Variants in EPS15L1 observed in about 807,000 individuals in gnomAD.
The protein encoded by EPS15L1 is epidermal growth factor receptor pathway substrate 15 like 1, also known as epidermal growth factor receptor substrate 15-like 1.
A neutral mutation model predicts 117.1 loss-of-function variants in EPS15L1; 43 were observed. The observed-to-expected ratio is 0.37, with a 90% CI of 0.29 to 0.47. The LOEUF (loss-of-function observed/expected upper bound fraction) is 0.47, where lower values mean the gene tolerates loss of function less well. Ranked by LOEUF, EPS15L1 falls within the 20% of genes least tolerant of loss-of-function variation. EPS15L1 has a pLI of 0.99. For synonymous variants in EPS15L1, 459 were observed against 470.5 expected (o/e 0.98, Z 0.32); for missense variants, 981 against 1,164.0 (o/e 0.84, Z 2.29).
At chr19:16,460,750 C>T (rs1487819904) in intron 1 of EPS15L1, among the ~76,000 whole-genome samples, 2 of 152,176 alleles carry the variant, frequency 1.3e-5, no homozygotes, top group Non-Finnish European at 2.9e-5. Flanking sequence ...AAGGGAAGAA[C>T]GTTTGCAAGA....
At chr19:16,429,694 G>A (rs561762997) in intron 7 of EPS15L1, among the ~76,000 whole-genome samples, 27 of 152,174 alleles carry the variant, frequency 1.8e-4, no homozygotes, top group African/African-American at 6.5e-4. Context: ...CCTGGCAGAT[G>A]GGGCCCTGTC....
chr19:16,408,810 G>A (rs1163652950), intron 13 of EPS15L1, among the ~76,000 whole-genome samples: 4 of 152,308 alleles, frequency 2.6e-5, no homozygotes, highest in South Asian at 2.1e-4. Context: ...GGCATGAGGA[G>A]AGGCAGATAG....
Position 16,355,673 on chromosome 19 carries a change from C to G in EPS15L1, c.*32G>C. 15 of 1,529,830 alleles carry G rather than the reference C, an allele frequency of 9.8e-6. No individual in the cohort carries two copies. Among genetic ancestry groups the G allele is most frequent in the Non-Finnish European group, 1.3e-5 (15 of 1,142,292 alleles). The allele number at this position is 1,529,830 out of a possible 1,614,324, so 94.8% of individuals were successfully genotyped here. A position where few individuals can be genotyped will look rare whatever the true frequency, so the allele number is the denominator to read the frequency against. ...CACTGCCCCCTCTCTGGAACCCGCCCGTGCCCTGTCCCGCCTACACACGGC... is the reference window on the plus strand; with the variant it reads ...CACTGCCCCCTCTCTGGAACCCGCCGGTGCCCTGTCCCGCCTACACACGGC... On this transcript the variant is annotated 3_prime_UTR_variant, in exon 24 of 24. Transcript: ENST00000455140.
intron 1 of EPS15L1, among the ~76,000 whole-genome samples, chr19:16,468,806 G>A (rs1050330441): frequency 2.0e-5 from 3 of 152,252 alleles, no homozygotes; most frequent in East Asian, 1.9e-4. Flanking sequence ...GAGGCTAGGG[G>A]TTTAAGACCT....
At chr19:16,377,448 C>G (rs2092310542) in intron 21 of EPS15L1, among the ~76,000 whole-genome samples, 194 bp from the exon 22 acceptor site, 1 of 152,168 alleles carries the variant, frequency 6.6e-6, no homozygotes, top group African/African-American at 2.4e-5. Context: ...AGCAGGGGCC[C>G]TCTGGCCTGT....
Position 16,361,998 on chromosome 19 carries a change from G to T in EPS15L1, c.2381-14C>A. 3 of 1,568,862 alleles carry T rather than the reference G, an allele frequency of 1.9e-6. No homozygotes were observed. The highest frequency in any genetic ancestry group is 2.6e-6 in the Non-Finnish European group (3 of 1,160,808). ...GTGTACTTTTACCTGGAAAGTTTAG[G>T]AGAAAAAAAAAAGGAGAAAGAAAGA... On this transcript the variant is annotated splice_polypyrimidine_tract_variant and intron_variant, in intron 22 of 23. Transcript: ENST00000455140.
intron 20 of EPS15L1, 85 bp downstream of exon 20, chr19:16,386,086 C>A (rs2092418059): frequency 1.9e-6 from 2 of 1,065,760 alleles, no homozygotes; most frequent in Non-Finnish European, 2.9e-6. Flanking sequence ...GCCACGCTGG[C>A]TTTGGGAGTG....
intron 11 of EPS15L1, 145 bp downstream of exon 11, chr19:16,417,803 C>G: frequency 1.6e-6 from 2 of 1,285,172 alleles, no homozygotes; most frequent in Non-Finnish European, 2.2e-6. Context: ...GCAGCCAAGC[C>G]ACCCTCCCGG....
In EPS15L1 at chr19:16,434,592, T is replaced by A. The variant is rs945012913; in HGVS notation, c.373-102A>T. 9 of 1,262,136 alleles carry A rather than the reference T, an allele frequency of 7.1e-6. No individual in the cohort carries two copies. In the African/African-American group the frequency reaches 1.2e-4, roughly 17 times the overall value. The allele number at this position is 1,262,136 out of a possible 1,614,324, so 78.2% of individuals were successfully genotyped here. A position where few individuals can be genotyped will look rare whatever the true frequency, so the allele number is the denominator to read the frequency against. ...CCAAGTGAAAATGGCCACGGACCCA[T>A]CATCACCCTTGGCTAAAAGCACAAA... On this transcript the variant is annotated intron_variant, in intron 6 of 23. Coordinates refer to ENST00000455140, the MANE Select transcript of EPS15L1 (RefSeq NM_001258374.3).
At chr19:16,442,653 A>G (rs2093043832) in intron 1 of EPS15L1, among the ~76,000 whole-genome samples, 1 of 152,176 alleles carries the variant, frequency 6.6e-6, no homozygotes, top group South Asian at 2.1e-4. Flanking sequence ...GCTTTCGACC[A>G]GTTTCCCTGG....
chr19:16,432,007 T>C (rs1416033310), intron 7 of EPS15L1, among the ~76,000 whole-genome samples: 1 of 152,212 alleles, frequency 6.6e-6, no homozygotes, highest in Non-Finnish European at 1.5e-5. Flanking sequence ...GACTTTTGTA[T>C]GTGCAGGACT....
intron 22 of EPS15L1, among the ~76,000 whole-genome samples, chr19:16,376,520 C>T (rs1025739134): frequency 6.6e-6 from 1 of 152,206 alleles, no homozygotes; most frequent in Non-Finnish European, 1.5e-5. Context: ...CTCCTCAGAG[C>T]TGTGCGTTGA....
chr19:16,418,673 T>G (rs1316889081), intron 10 of EPS15L1, among the ~76,000 whole-genome samples: 1 of 152,170 alleles, frequency 6.6e-6, no homozygotes, highest in African/African-American at 2.4e-5. Flanking sequence ...ATCCTATCCC[T>G]CAATGGGATG....
In EPS15L1 at chr19:16,355,670, G is replaced by A. The variant is rs780064994; in HGVS notation, c.*35C>T. ...CTGCACTGCCCCCTCTCTGGAACCC[G>A]CCCGTGCCCTGTCCCGCCTACACAC... On this transcript the variant is annotated 3_prime_UTR_variant, in exon 24 of 24. Coordinates refer to ENST00000455140, the MANE Select transcript of EPS15L1 (RefSeq NM_001258374.3). The A allele has an allele frequency of 4.6e-5, 71 of 1,527,992 alleles. No homozygotes were observed. The highest frequency in any genetic ancestry group is 1.7e-4 in the Middle Eastern group (1 of 5,970). 94.7% of individuals were successfully genotyped at this position (1,527,992 alleles called of 1,614,324 possible).
At chr19:16,428,561 AGAAAGGAAAAG>A in intron 8 of EPS15L1, 130 bp downstream of exon 8, 1 of 632,364 alleles carries the variant, frequency 1.6e-6, no homozygotes, top group African/African-American at 1.9e-5. Flanking sequence ...AGAAAGGAAA[AGAAAGGAAAAG>A]GAAAGGAAAA....
At chr19:16,359,044 G>GT (rs1034427843) in intron 23 of EPS15L1, among the ~76,000 whole-genome samples, 9 of 152,162 alleles carry the variant, frequency 5.9e-5, no homozygotes, top group African/African-American at 1.4e-4. Context: ...AAATTAGAGG[G>GT]TTCTGGAGAG....
chr19:16,369,398 TG>T (rs879445446), intron 22 of EPS15L1, among the ~76,000 whole-genome samples: 6 of 152,206 alleles, frequency 3.9e-5, no homozygotes, highest in Non-Finnish European at 8.8e-5. Flanking sequence ...TGAGAAAAGC[TG>T]AACAAATATT....
intron 13 of EPS15L1, among the ~76,000 whole-genome samples, chr19:16,411,314 T>C (rs1465561871): frequency 1.3e-5 from 2 of 152,150 alleles, no homozygotes; most frequent in African/African-American, 4.8e-5. Context: ...GAATGGGAAG[T>C]AACTGCTTAA....
At chr19:16,377,644 C>T (rs1428934132) in intron 21 of EPS15L1, among the ~76,000 whole-genome samples, 1 of 152,250 alleles carries the variant, frequency 6.6e-6, no homozygotes, top group Non-Finnish European at 1.5e-5. Flanking sequence ...CACCTGTATG[C>T]TGGCTGTGGT....
Sources: allele counts gnomAD v4.1 joint callset (sites outside exome capture counted in the v4.1 genomes callset), GRCh38; gene constraint gnomAD v4.1.1; transcripts MANE v1.5; gene names NCBI Gene and HGNC (gene_info 2026-07-23, HGNC 2026-07-21).